CLDN12: variants seen among roughly 807,000 people sequenced by gnomAD.
The protein encoded by CLDN12 is claudin 12.
In CLDN12, 9 loss-of-function variants were observed where a neutral mutation model predicts 15.5. The ratio of observed to expected loss-of-function variants is 0.58; its 90% CI spans 0.35 to 1.02. CLDN12 has a LOEUF of 1.02. CLDN12 is among the 50% of genes least tolerant of loss of function. The pLI, the probability that CLDN12 is intolerant of heterozygous loss-of-function variation, is 0.02. For missense variants in CLDN12, 233 were observed against 297.3 expected (o/e 0.78, Z 1.59); for synonymous variants, 140 against 121.6 (o/e 1.15, Z -1.00).
In CLDN12 at chr7:90,414,453, A is replaced by G. The variant is rs1797035747; in HGVS notation, c.*1042A>G. The G allele has an allele frequency of 1.1e-6, 1 of 937,914 alleles. No homozygotes were observed. Among genetic ancestry groups the G allele is most frequent in the Non-Finnish European group, 1.3e-6 (1 of 773,180 alleles). The allele number at this position is 937,914 out of a possible 1,614,324, so 58.1% of individuals were successfully genotyped here. On this transcript the variant is annotated 3_prime_UTR_variant, in exon 4 of 4. Transcript: ENST00000496677. ...TCTGCCTAACACTTTAGTAGGTGCT[A>G]TAGAGGATACATGAAAAGTATGAGA...
intron 3 of CLDN12, 122 bp from the exon 4 acceptor site, chr7:90,412,520 GGA>G (rs1206195379): frequency 4.0e-5 from 31 of 766,978 alleles, no homozygotes; most frequent in Middle Eastern, 3.9e-4. Context: ...AGGAAACAAG[GGA>G]GAGACTTTCC....
At chr7:90,403,980 G>T (rs1796784782) in intron 1 of CLDN12, among the ~76,000 whole-genome samples, 1 of 149,982 alleles carries the variant, frequency 6.7e-6, no homozygotes, top group Admixed American at 6.7e-5. Flanking sequence ...TGCCAGGTCT[G>T]GGTCTACCAC....
In CLDN12 at chr7:90,413,640, A is replaced by G. The variant is rs1027862498; in HGVS notation, c.*229A>G. ...TATACTGGAAGGAATTTTAGCCTTC[A>G]TATTGATATCTAATTAATTATTTAA... On this transcript the variant is annotated 3_prime_UTR_variant, in exon 4 of 4. Transcript: ENST00000496677. The G allele has an allele frequency of 3.4e-5, 44 of 1,298,944 alleles. No individual in the cohort carries two copies. The highest frequency in any genetic ancestry group is 4.2e-5 in the Non-Finnish European group (43 of 1,019,374). 80.5% of individuals were successfully genotyped at this position (1,298,944 alleles called of 1,614,324 possible).
intron 1 of CLDN12, among the ~76,000 whole-genome samples, chr7:90,405,036 G>A (rs1411738282): frequency 6.6e-6 from 1 of 151,880 alleles, no homozygotes; most frequent in African/African-American, 2.4e-5. Flanking sequence ...GGGACAACAC[G>A]TGTGCACCAT....
Position 90,414,749 on chromosome 7 carries a change from T to G in CLDN12, c.*1338T>G, listed in dbSNP as rs533659745. Reference sequence around the variant, plus strand: ...TTGTAATAACACTGATTTATGAGAATGGACAAAAGTGGTAGGGAAATTGTT... The same window carrying G: ...TTGTAATAACACTGATTTATGAGAAGGGACAAAAGTGGTAGGGAAATTGTT... On this transcript the variant is annotated 3_prime_UTR_variant, in exon 4 of 4. Transcript: ENST00000496677. 1.2e-5 allele frequency: 2 copies of G among 167,184 alleles called. No homozygotes were observed. The highest frequency in any genetic ancestry group is 4.1e-4 in the South Asian group (2 of 4,828). 10.4% of individuals were successfully genotyped at this position (167,184 alleles called of 1,614,324 possible). A position where few individuals can be genotyped will look rare whatever the true frequency, so the allele number is the denominator to read the frequency against.
chr7:90,413,371 C>T lies in CLDN12; in HGVS notation c.695C>T (p.Ala232Val). ...TATTCAGCACGCTCTCGCCTCTCTG[C>T]CATTGAAATTGACATTCCAGTAGTT... ...QPYSARSRLSAIEIDIPVVSH... is the reference protein window; with the variant it reads ...QPYSARSRLSVIEIDIPVVSH... The change falls in exon 4 of 4, where the codon GCC becomes GTC. Residue 232 changes from alanine (A) to valine (V), a missense_variant. Physicochemically the swap from Ala to Val is moderately conservative, Grantham distance 64. Coordinates refer to ENST00000496677, the MANE Select transcript of CLDN12 (RefSeq NM_001185072.3). The T allele has an allele frequency of 6.2e-7, 1 of 1,613,972 alleles. No individual in the cohort carries two copies. The highest frequency in any genetic ancestry group is 8.5e-7 in the Non-Finnish European group (1 of 1,179,896).
intron 2 of CLDN12, among the ~76,000 whole-genome samples, chr7:90,408,205 A>C (rs931060328): frequency 2.6e-5 from 4 of 152,160 alleles, no homozygotes; most frequent in Admixed American, 1.3e-4. Context: ...TCCCCAAACT[A>C]TCCTATAAAA....
At chr7:90,408,944 T>C (rs1262727956) in intron 2 of CLDN12, 3 of 152,154 alleles carry the variant, frequency 2.0e-5, no homozygotes, top group African/African-American at 7.2e-5. Context: ...CTTTTTTTTG[T>C]AGAGATGGGG....
Position 90,413,298 on chromosome 7 carries a change from C to A in CLDN12, c.622C>A (p.Gln208Lys). The A allele has an allele frequency of 6.2e-7, 1 of 1,614,192 alleles. No homozygotes were observed. The highest frequency in any genetic ancestry group is 1.3e-5 in the African/African-American group (1 of 75,056). The part of the protein sequence containing the change: ...TCKSLPSPFW[Q>K]PLYSHPPSMH... ...CAAATCTTTGCCTTCTCCTTTCTGGCAACCATTGTACTCCCATCCACCCAG... is the reference window on the plus strand; with the variant it reads ...CAAATCTTTGCCTTCTCCTTTCTGGAAACCATTGTACTCCCATCCACCCAG... The change falls in exon 4 of 4, where the codon CAA becomes AAA. Residue 208 changes from glutamine (Q) to lysine (K), a missense_variant. Physicochemically the swap from Gln to Lys is moderately conservative, Grantham distance 53. Coordinates refer to ENST00000496677, the MANE Select transcript of CLDN12 (RefSeq NM_001185072.3).
At position 90,412,864 on chromosome 7, in the gene CLDN12, G is replaced by A; in HGVS notation, c.188G>A (p.Gly63Glu). ...GLWVKCARYD[G>E]SSDCLMYDTT... ...TGGGTGAAATGTGCCCGGTATGACG[G>A]GAGCAGTGACTGCCTGATGTACGAC... Residue 63 changes from glycine (G) to glutamate (E), a missense_variant, in exon 4 of 4, where the codon GGG (glycine) becomes GAG (glutamate). Physicochemically the swap from Gly to Glu is moderately conservative, Grantham distance 98. Coordinates refer to ENST00000496677, the MANE Select transcript of CLDN12 (RefSeq NM_001185072.3). The A allele has an allele frequency of 3.1e-6, 5 of 1,614,182 alleles. No homozygotes were observed. Among genetic ancestry groups the A allele is most frequent in the Non-Finnish European group, 4.2e-6 (5 of 1,180,044 alleles).
chr7:90,413,323 G>C lies in CLDN12; in HGVS notation c.647G>C (p.Ser216Thr), dbSNP rs376598671. The change falls in exon 4 of 4, where the codon AGT becomes ACT. Residue 216 changes from serine (S) to threonine (T), a missense_variant. Coordinates refer to ENST00000496677, the MANE Select transcript of CLDN12 (RefSeq NM_001185072.3). ...FWQPLYSHPP[S>T]MHTYSQPYSA... ...CAACCATTGTACTCCCATCCACCCA[G>C]TATGCATACTTACTCACAGCCCTAT... The C allele has an allele frequency of 6.2e-7, 1 of 1,614,098 alleles. No homozygotes were observed. Among genetic ancestry groups the C allele is most frequent in the East Asian group, 2.2e-5 (1 of 44,880 alleles).
chr7:90,405,341 G>A (rs574014494), intron 1 of CLDN12, among the ~76,000 whole-genome samples, 178 bp from the exon 2 acceptor site: 16 of 152,298 alleles, frequency 1.1e-4, no homozygotes, highest in Non-Finnish European at 1.9e-4. Context: ...GATTACAGGT[G>A]TAAGCCACTG....
intron 2 of CLDN12, chr7:90,408,902 AATTT>A (rs1423525305): frequency 6.6e-6 from 1 of 152,042 alleles, no homozygotes. Context: ...GAATTATAGG[AATTT>A]ATTTATTTTT....
intron 2 of CLDN12, chr7:90,408,976 G>A (rs1476458556): frequency 6.6e-6 from 1 of 151,646 alleles, no homozygotes; most frequent in African/African-American, 2.4e-5. Context: ...TGCCCAATCT[G>A]GTCTCAAACT....
At position 90,413,688 on chromosome 7, in the gene CLDN12, T is replaced by C. The variant is rs547780944; in HGVS notation, c.*277T>C. The C allele has an allele frequency of 8.5e-6, 10 of 1,181,016 alleles. No homozygotes were observed. Among genetic ancestry groups the C allele is most frequent in the Admixed American group, 4.3e-5 (1 of 23,402 alleles). The allele number at this position is 1,181,016 out of a possible 1,614,324, so 73.2% of individuals were successfully genotyped here. ...TAAGTGGAAGAGGCCTGCATCACAA[T>C]TGAGGTAATGTAGAGCAACATGTTA... On this transcript the variant is annotated 3_prime_UTR_variant, in exon 4 of 4. Coordinates refer to ENST00000496677, the MANE Select transcript of CLDN12 (RefSeq NM_001185072.3).
intron 2 of CLDN12, among the ~76,000 whole-genome samples, chr7:90,410,543 G>T (rs1286093564): frequency 6.6e-6 from 1 of 152,064 alleles, no homozygotes; most frequent in Non-Finnish European, 1.5e-5. Context: ...AATTATTCTG[G>T]CTGGGCGCAG....
intron 3 of CLDN12, chr7:90,412,326 G>C (rs1796981726): frequency 4.3e-6 from 1 of 233,864 alleles, no homozygotes; most frequent in Non-Finnish European, 8.3e-6. Context: ...ACAAAAAGAA[G>C]ATTGAAGGTG....
In CLDN12 at chr7:90,412,965, G is replaced by T; in HGVS notation, c.289G>T (p.Ala97Ser). The T allele has an allele frequency of 6.2e-7, 1 of 1,614,100 alleles. No homozygotes were observed. The highest frequency in any genetic ancestry group is 1.3e-5 in the African/African-American group (1 of 75,000). The stretch of plus-strand genomic sequence containing the variant: ...TGCCCTACCCCTCAGCATGCTGATC[G>T]CCATGGGTGCCCTGCTGCTCTGCCT... The part of the protein sequence containing the change: ...QFALPLSMLI[A>S]MGALLLCLIG... The change falls in exon 4 of 4, where the codon GCC becomes TCC. Residue 97 changes from alanine (A) to serine (S), a missense_variant. By Grantham distance (99) the Ala-to-Ser change is moderately conservative. Coordinates refer to ENST00000496677, the MANE Select transcript of CLDN12 (RefSeq NM_001185072.3).
At chr7:90,407,722 G>C (rs1057199683) in intron 2 of CLDN12, among the ~76,000 whole-genome samples, 2 of 152,180 alleles carry the variant, frequency 1.3e-5, no homozygotes, top group Non-Finnish European at 2.9e-5. Context: ...CAGGGACAGG[G>C]GGAGGTTTAG....
Sources: gnomAD v4.1 joint callset for allele counts (sites outside exome capture counted in the v4.1 genomes callset) on GRCh38, gnomAD v4.1.1 for gene constraint, MANE v1.5 for transcripts, NCBI Gene and HGNC (gene_info 2026-07-23, HGNC 2026-07-21) for gene names.